The following TLN2 variants were observed in gnomAD, a reference collection of about 807,000 sequenced individuals.
TLN2 encodes the protein talin 2.
In TLN2, 118 loss-of-function variants were observed where a neutral mutation model predicts 294.7. The observed-to-expected ratio is 0.40, with a 90% confidence interval of 0.34 to 0.47. TLN2 has a LOEUF of 0.47. Among genes scored for constraint, TLN2 ranks in the 20% least tolerant of loss-of-function variants. TLN2 has a pLI of 0.84. For missense variants in TLN2, 3,083 were observed against 3,282.2 expected (o/e 0.94, Z 1.48); for synonymous variants, 1,431 against 1,304.5 (o/e 1.10, Z -2.09).
rs143803150 is a variant in TLN2 at position 62,680,542 on chromosome 15, A to G, written c.957+5221A>G. Among the ~76,000 whole-genome samples the G allele has an allele frequency of 2.7e-3, 413 of 152,236 alleles. 2 individuals carry two copies. Among genetic ancestry groups the G allele is most frequent in the Non-Finnish European group, 4.9e-3 (331 of 68,008 alleles). ...TATATGATAAAAAGAGATCACATGC[A>G]GAACAGCATCAAAAAAAAAATTGTA... is the stretch of plus-strand genomic sequence containing the variant. On this transcript the variant is annotated intron_variant, in intron 11 of 58. Coordinates refer to ENST00000636159, the MANE Select transcript of TLN2 (RefSeq NM_015059.3).
chr15:62,518,652 C>G (rs1168732426), intron 1 of TLN2, among the ~76,000 whole-genome samples: 1 of 152,082 alleles, frequency 6.6e-6, no homozygotes, highest in African/African-American at 2.4e-5. Context: ...GGCTGGAGTG[C>G]AGTGGCGCGA....
chr15:62,403,921 A>T (rs1333945196), intron 1 of TLN2, among the ~76,000 whole-genome samples: 1 of 152,204 alleles, frequency 6.6e-6, no homozygotes, highest in Non-Finnish European at 1.5e-5. Flanking sequence ...ATCTCACTGC[A>T]TCTAGAATAT....
At chr15:62,564,906 A>C (rs1416461964) in intron 1 of TLN2, among the ~76,000 whole-genome samples, 2 of 64,560 alleles carry the variant, frequency 3.1e-5, no homozygotes, top group Admixed American at 1.5e-4. Context: ...ACTCCATCTC[A>C]AAAAAAAAAA....
At chr15:62,628,862 C>T (rs2049523337) in intron 3 of TLN2, among the ~76,000 whole-genome samples, 1 of 152,164 alleles carries the variant, frequency 6.6e-6, no homozygotes, top group Admixed American at 6.5e-5. Context: ...AGCATAATTC[C>T]CAGTTTTCTA....
chr15:62,686,820 A>C, intron 12 of TLN2, 24 bp downstream of exon 12: 1 of 1,611,450 alleles, frequency 6.2e-7, no homozygotes, highest in Non-Finnish European at 8.5e-7. Flanking sequence ...GAGGGCAAGG[A>C]GAGCACTAGC....
rs577249272 is a variant in TLN2 at position 62,707,331 on chromosome 15, A to G, written c.2172+78A>G. On this transcript the variant is annotated intron_variant, in intron 20 of 58. Coordinates refer to ENST00000636159, the MANE Select transcript of TLN2 (RefSeq NM_015059.3). ...TGCCTCCAGGCATTTGGTGTGTAGC[A>G]GGGGCAGAATTTGTTTAAATAGTCC... 146 of 1,469,132 alleles carry G rather than the reference A, an allele frequency of 9.9e-5. No homozygotes were observed. The African/African-American group carries it at 1.6e-3, about 16-fold the overall frequency. 91.0% of individuals were successfully genotyped at this position (1,469,132 alleles called of 1,614,324 possible).
intron 19 of TLN2, among the ~76,000 whole-genome samples, chr15:62,706,148 G>C (rs139558925): frequency 6.9e-4 from 105 of 152,330 alleles, no homozygotes; most frequent in South Asian, 1.0e-3. Context: ...TTCCTTGAAG[G>C]GAAAAGCCTT....
intron 39 of TLN2, 39 bp from the exon 40 acceptor site, chr15:62,763,524 C>T (rs762040873): frequency 6.4e-7 from 1 of 1,571,014 alleles, no homozygotes; most frequent in East Asian, 2.3e-5. Flanking sequence ...GGACTTGAGC[C>T]CCATGGAGCC....
intron 1 of TLN2, among the ~76,000 whole-genome samples, chr15:62,539,830 C>A (rs2041571208): frequency 6.6e-6 from 1 of 151,448 alleles, no homozygotes; most frequent in South Asian, 2.1e-4. Flanking sequence ...TAAACACTAA[C>A]TGAAGACATA....
chr15:62,605,749 T>C (rs2047381508), intron 2 of TLN2, among the ~76,000 whole-genome samples: 1 of 152,158 alleles, frequency 6.6e-6, no homozygotes, highest in African/African-American at 2.4e-5. Flanking sequence ...ATGTCATTGG[T>C]GTATCTAAGT....
At position 62,493,540 on chromosome 15, in the gene TLN2, G is replaced by T. The variant is rs371594365; in HGVS notation, c.-237-96147G>T. Among the ~76,000 whole-genome samples, 4 of 151,958 alleles carry T rather than the reference G, an allele frequency of 2.6e-5. No homozygotes were observed. The South Asian group carries it at 6.2e-4, about 24-fold the overall frequency. ...TCTATTCTAAGCTTTCGTTACAAAA[G>T]GTCCCCCAAATCCACTCAGCTTTCA... On this transcript the variant is annotated intron_variant, in intron 1 of 58. Transcript: ENST00000636159.
intron 2 of TLN2, among the ~76,000 whole-genome samples, chr15:62,601,199 G>T (rs185598220): frequency 3.2e-4 from 48 of 152,254 alleles, no homozygotes; most frequent in African/African-American, 1.1e-3. Context: ...ATTTTTGGTT[G>T]TCACAACTGG....
At chr15:62,747,850 A>C (rs2061699304) in intron 32 of TLN2, among the ~76,000 whole-genome samples, 1 of 152,206 alleles carries the variant, frequency 6.6e-6, no homozygotes, top group Non-Finnish European at 1.5e-5. Context: ...TGATAAGTTG[A>C]GCTACTAACA....
chr15:62,448,474 G>A (rs1455321125), intron 1 of TLN2, among the ~76,000 whole-genome samples: 1 of 152,188 alleles, frequency 6.6e-6, no homozygotes, highest in Non-Finnish European at 1.5e-5. Context: ...TTGTGTGTTT[G>A]CTCCTCCTCC....
intron 3 of TLN2, 87 bp from the exon 4 acceptor site, chr15:62,647,188 T>C (rs2051975929): frequency 4.7e-6 from 6 of 1,282,374 alleles, no homozygotes; most frequent in Admixed American, 2.4e-5. Flanking sequence ...TAAAGTTGAT[T>C]TTAAAGTCCA....
At chr15:62,833,332 C>G (rs2069076940) in intron 54 of TLN2, 172 bp from the exon 55 acceptor site, 1 of 1,003,882 alleles carries the variant, frequency 1.0e-6, no homozygotes, top group African/African-American at 1.6e-5. Flanking sequence ...AAAGTTTGCA[C>G]AGGGGACCTG....
intron 28 of TLN2, among the ~76,000 whole-genome samples, chr15:62,730,253 G>T (rs755535483): frequency 6.6e-6 from 1 of 151,944 alleles, no homozygotes; most frequent in African/African-American, 2.4e-5. Context: ...TGTTGGCCAG[G>T]ATGGTCTTGA....
chr15:62,514,549 C>T (rs1043742564), intron 1 of TLN2, among the ~76,000 whole-genome samples: 8 of 152,180 alleles, frequency 5.3e-5, no homozygotes, highest in Admixed American at 6.5e-5. Context: ...GTGACCTTCA[C>T]ATACTGTAAG....
In TLN2 at chr15:62,519,969, C is replaced by T. The variant is rs577194123; in HGVS notation, c.-237-69718C>T. Among the ~76,000 whole-genome samples the T allele has an allele frequency of 1.3e-4, 20 of 152,336 alleles. No homozygotes were observed. The South Asian group carries it at 3.9e-3, about 30-fold the overall frequency. On this transcript the variant is annotated intron_variant, in intron 1 of 58. Coordinates refer to ENST00000636159, the MANE Select transcript of TLN2 (RefSeq NM_015059.3). ...CATGTAGCTGGAGAGGCCTCACAAT[C>T]ATGGTGGAAGGCGAAAGGCACGTCT...
Sources: gnomAD v4.1 joint callset for allele counts (sites outside exome capture counted in the v4.1 genomes callset) on GRCh38, gnomAD v4.1.1 for gene constraint, MANE v1.5 for transcripts, NCBI Gene and HGNC (gene_info 2026-07-23, HGNC 2026-07-21) for gene names.